The following TAF12 variants were observed in gnomAD, a reference collection of about 807,000 sequenced individuals.
The protein encoded by TAF12 is TATA-box binding protein associated factor 12.
In TAF12, 3 loss-of-function variants were observed where a neutral mutation model predicts 20.8. The ratio of observed to expected loss-of-function variants is 0.14; its 90% CI spans 0.07 to 0.37. The LOEUF is 0.37. Among genes scored for constraint, TAF12 ranks in the 10% least tolerant of loss-of-function variants. The pLI, the probability that TAF12 is intolerant of heterozygous loss-of-function variation, is 1.00. For synonymous variants in TAF12, 69 were observed against 70.2 expected (o/e 0.98, Z 0.09); for missense variants, 131 against 197.9 (o/e 0.66, Z 2.03).
At chr1:28,646,431 C>A (rs1246347633), upstream of TAF12, 1 of 152,138 alleles carries the variant, frequency 6.6e-6, no homozygotes, top group East Asian at 1.9e-4. Context: ...GTGACTTCTA[C>A]TTTGTAAAGA....
intron 1 of TAF12, among the ~76,000 whole-genome samples, chr1:28,630,175 G>A (rs1352555345): frequency 6.6e-6 from 1 of 152,030 alleles, no homozygotes; most frequent in East Asian, 1.9e-4. Flanking sequence ...CAAACTCTTG[G>A]GCTCAAGCGA....
chr1:28,613,329 C>G lies in TAF12; in HGVS notation c.279G>C (p.Glu93Asp). Reference protein sequence around the residue: ...MLLQIADDFIESVVTAACQLA... With the variant: ...MLLQIADDFIDSVVTAACQLA... ...GCTGACAGGCTGCTGTCACCACACT[C>G]TCGATAAAATCATCAGCAATCTGCA... is the stretch of plus-strand genomic sequence containing the variant. The change falls in exon 4 of 6, where the codon GAG (glutamate) becomes GAC (aspartate). Residue 93 changes from glutamate (E) to aspartate (D), a missense_variant. Physicochemically the swap from Glu to Asp is conservative, Grantham distance 45 (BLOSUM62 2). Around this residue, in one of 3 missense-constraint regions of TAF12, gnomAD observed 60 missense variants for 90.2 expected, o/e 0.66. Coordinates refer to ENST00000373824, the MANE Select transcript of TAF12 (RefSeq NM_005644.4). 1 of 1,611,696 alleles carries G rather than the reference C, an allele frequency of 6.2e-7. No individual in the cohort carries two copies. Among genetic ancestry groups the G allele is most frequent in the Non-Finnish European group, 8.5e-7 (1 of 1,179,132 alleles).
intron 1 of TAF12, among the ~76,000 whole-genome samples, chr1:28,625,214 C>G (rs1667341079): frequency 6.6e-6 from 1 of 152,082 alleles, no homozygotes; most frequent in Non-Finnish European, 1.5e-5. Flanking sequence ...CTTTTTATAA[C>G]AGAGATTTTT....
chr1:28,647,646 G>A (rs1668230847), upstream of TAF12, among the ~76,000 whole-genome samples: 1 of 152,166 alleles, frequency 6.6e-6, no homozygotes, highest in Admixed American at 6.5e-5. Flanking sequence ...GGCTGAGGCG[G>A]GCGGATCACA....
At chr1:28,628,910 T>C (rs766449637) in intron 1 of TAF12, among the ~76,000 whole-genome samples, 45 of 152,288 alleles carry the variant, frequency 3.0e-4, no homozygotes, top group Admixed American at 2.0e-3. Context: ...CCCTCTCTAC[T>C]AGTAATACAA....
intron 1 of TAF12, among the ~76,000 whole-genome samples, chr1:28,636,810 A>C (rs1334533147): frequency 2.6e-5 from 4 of 151,956 alleles, no homozygotes. Flanking sequence ...CAGGGAAAAA[A>C]AAAAAATCAA....
At chr1:28,612,058 C>T (rs1301961182) in intron 4 of TAF12, among the ~76,000 whole-genome samples, 1 of 152,170 alleles carries the variant, frequency 6.6e-6, no homozygotes, top group African/African-American at 2.4e-5. Context: ...ACCAATGCCT[C>T]CCCAAGGCAA....
intron 1 of TAF12, among the ~76,000 whole-genome samples, chr1:28,637,567 A>C (rs1667879778): frequency 6.6e-6 from 1 of 151,444 alleles, no homozygotes; most frequent in Non-Finnish European, 1.5e-5. Context: ...CGGGAGGCTG[A>C]GGTAGGAGAA....
chr1:28,616,436 G>C (rs1218573269), intron 3 of TAF12, among the ~76,000 whole-genome samples: 1 of 148,898 alleles, frequency 6.7e-6, no homozygotes, highest in African/African-American at 2.5e-5. Context: ...AAACAGTAAG[G>C]AAAGTTATAT....
chr1:28,620,487 GT>G (rs1361839372), intron 2 of TAF12, among the ~76,000 whole-genome samples: 4 of 151,192 alleles, frequency 2.6e-5, no homozygotes, highest in African/African-American at 9.7e-5. Context: ...CCAGGCTGGA[GT>G]GCAGTGGCGC....
At chr1:28,609,718 C>G (rs1231391681) in intron 4 of TAF12, among the ~76,000 whole-genome samples, 1 of 151,956 alleles carries the variant, frequency 6.6e-6, no homozygotes, top group Non-Finnish European at 1.5e-5. Flanking sequence ...AACACCTGAC[C>G]TCAGGTGACC....
intron 1 of TAF12, among the ~76,000 whole-genome samples, chr1:28,632,446 G>A (rs1395075407): frequency 6.6e-6 from 1 of 152,090 alleles, no homozygotes; most frequent in Non-Finnish European, 1.5e-5. Flanking sequence ...AACCCGGGAG[G>A]CGGAGGTTGC....
In TAF12 at chr1:28,607,430, G is replaced by C. The variant is rs534421677; in HGVS notation, c.362-1970C>G. ...TCACGCCTGTAATCCCAGCACTTCG[G>C]GAGGCCAAAGTGGGCGGATCACCTG... On this transcript the variant is annotated intron_variant, in intron 4 of 5. Transcript: ENST00000373824. Among the ~76,000 whole-genome samples the C allele has an allele frequency of 2.3e-4, 35 of 152,284 alleles. No individual in the cohort carries two copies. The South Asian group carries it at 2.9e-3, about 13-fold the overall frequency.
upstream of TAF12, chr1:28,643,490 C>T (rs1272001922): frequency 1.3e-5 from 2 of 152,220 alleles, no homozygotes; most frequent in Non-Finnish European, 1.5e-5. Flanking sequence ...AAGTTGGCAA[C>T]AGAGGAACCA....
At chr1:28,610,442 C>T (rs929523047) in intron 4 of TAF12, among the ~76,000 whole-genome samples, 2 of 152,074 alleles carry the variant, frequency 1.3e-5, no homozygotes, top group South Asian at 2.1e-4. Flanking sequence ...CAGGTGCACT[C>T]CACCATGCCT....
intron 1 of TAF12, among the ~76,000 whole-genome samples, chr1:28,640,303 T>C (rs1667989190): frequency 6.6e-6 from 1 of 152,234 alleles, no homozygotes; most frequent in African/African-American, 2.4e-5. Flanking sequence ...TACCCTAATA[T>C]GTTATAGTCC....
At chr1:28,631,339 T>C (rs751436108) in intron 1 of TAF12, among the ~76,000 whole-genome samples, 2 of 151,532 alleles carry the variant, frequency 1.3e-5, no homozygotes, top group South Asian at 2.1e-4. Flanking sequence ...CTGGCCAACA[T>C]ATAGTGAAGC....
intron 1 of TAF12, among the ~76,000 whole-genome samples, chr1:28,640,071 G>A (rs946695361): frequency 1.3e-5 from 2 of 152,164 alleles, no homozygotes; most frequent in Non-Finnish European, 2.9e-5. Flanking sequence ...TCGAACTCCT[G>A]ATCTCAGGTG....
At chr1:28,615,042 G>C (rs1170462938) in intron 3 of TAF12, among the ~76,000 whole-genome samples, 1 of 151,950 alleles carries the variant, frequency 6.6e-6, no homozygotes, top group African/African-American at 2.4e-5. Flanking sequence ...CCAGTTAGTC[G>C]AGACTACAGT....
Sources: allele counts gnomAD v4.1 joint callset (sites outside exome capture counted in the v4.1 genomes callset), GRCh38; gene constraint gnomAD v4.1.1; regional missense constraint gnomAD v4.1.1; transcripts MANE v1.5; gene names NCBI Gene and HGNC (gene_info 2026-07-23, HGNC 2026-07-21).